The following UNC13C variants were observed in gnomAD, a reference collection of about 807,000 sequenced individuals.
UNC13C encodes the protein unc-13 homolog C.
Under a neutral mutation model 245.4 loss-of-function variants are expected in UNC13C, and 174 were observed. The ratio of observed to expected loss-of-function variants is 0.71; its 90% CI spans 0.63 to 0.80. The LOEUF (loss-of-function observed/expected upper bound fraction) is 0.80. UNC13C is among the 30% of genes least tolerant of loss of function. UNC13C has a pLI of 0.00. For missense variants in UNC13C, 2,829 were observed against 2,602.9 expected (o/e 1.09, Z -1.89); for synonymous variants, 992 against 895.1 (o/e 1.11, Z -1.93).
the UNC13C span, among the ~76,000 whole-genome samples, chr15:53,945,713 C>T: frequency 6.6e-6 from 1 of 151,772 alleles, no homozygotes; most frequent in Admixed American, 6.6e-5. Flanking sequence ...CTTAGAATTG[C>T]CTTTGTTATT....
intron 10 of UNC13C, among the ~76,000 whole-genome samples, chr15:54,267,130 C>T (rs568906367): frequency 1.6e-4 from 24 of 151,986 alleles, no homozygotes; most frequent in Non-Finnish European, 2.9e-4. Context: ...ATGACTCATG[C>T]TAAAACTGAC....
intron 2 of UNC13C, among the ~76,000 whole-genome samples, chr15:54,104,116 G>A (rs900657455): frequency 1.4e-4 from 21 of 152,188 alleles, no homozygotes; most frequent in African/African-American, 3.1e-4. Flanking sequence ...TCGCCTCAGC[G>A]AGCCCATGTT....
rs188023369 is a variant in UNC13C at position 54,050,795 on chromosome 15, A to G, written c.2983+34909A>G. 1,414 of 593,788 alleles carry G rather than the reference A, an allele frequency of 2.4e-3. 19 individuals are homozygous for G. The Admixed American group carries it at 0.024, about 10-fold the overall frequency. The allele number at this position is 593,788 out of a possible 1,614,324, so 36.8% of individuals were successfully genotyped here. On this transcript the variant is annotated intron_variant, in intron 2 of 32. Coordinates refer to ENST00000260323, the MANE Select transcript of UNC13C (RefSeq NM_001080534.3). ...CTGGTGATCATCACTATATGAATAC[A>G]GCCCTTCAGCAGTAGTCCAGCCTAC... is the stretch of plus-strand genomic sequence containing the variant.
intron 2 of UNC13C, among the ~76,000 whole-genome samples, chr15:54,104,897 G>C (rs956854347): frequency 1.3e-5 from 2 of 152,234 alleles, no homozygotes; most frequent in Admixed American, 6.5e-5. Context: ...TTTGGTAACT[G>C]GAGAGTTACA....
At chr15:54,249,767 G>C (rs2036093634) in intron 7 of UNC13C, among the ~76,000 whole-genome samples, 1 of 152,186 alleles carries the variant, frequency 6.6e-6, no homozygotes, top group Non-Finnish European at 1.5e-5. Flanking sequence ...CCCGGTGATA[G>C]GTACTGAAAG....
intron 10 of UNC13C, 143 bp from the exon 11 acceptor site, chr15:54,293,751 TC>T: frequency 1.8e-6 from 1 of 543,296 alleles, no homozygotes; most frequent in Non-Finnish European, 2.9e-6. Context: ...GCCTGCAACA[TC>T]CCATGGATAG....
At position 54,445,481 on chromosome 15, in the gene UNC13C, A is replaced by G. The variant is rs1011900259; in HGVS notation, c.4933+30414A>G. Among the ~76,000 whole-genome samples, 26 of 152,070 alleles carry G rather than the reference A, an allele frequency of 1.7e-4. 1 individual carries two copies. Among genetic ancestry groups the G allele is most frequent in the Admixed American group, 1.0e-3 (16 of 15,268 alleles). On this transcript the variant is annotated intron_variant, in intron 19 of 32. Transcript: ENST00000260323. ...AGCACCTGTTGTTTCCTGACTTTTT[A>G]ATGATCTCCGTTCTCACTGGTGTGA...
intron 19 of UNC13C, among the ~76,000 whole-genome samples, chr15:54,458,978 T>G (rs1056859950): frequency 2.0e-5 from 3 of 152,120 alleles, no homozygotes; most frequent in Non-Finnish European, 4.4e-5. Flanking sequence ...ATTGTGTTAT[T>G]GATTTATAGG....
intron 4 of UNC13C, among the ~76,000 whole-genome samples, chr15:54,154,889 TAAG>T (rs1475971288): frequency 6.6e-6 from 1 of 152,186 alleles, no homozygotes; most frequent in African/African-American, 2.4e-5. Flanking sequence ...CTGACCAATA[TAAG>T]AAGATATTTC....
the UNC13C span, among the ~76,000 whole-genome samples, chr15:53,874,647 A>G: frequency 6.6e-6 from 1 of 152,156 alleles, no homozygotes; most frequent in South Asian, 2.1e-4. Context: ...CTGTATATCC[A>G]AAGTCTATTA....
chr15:54,508,986 G>T (rs530221764), intron 23 of UNC13C, among the ~76,000 whole-genome samples: 3 of 152,274 alleles, frequency 2.0e-5, no homozygotes, highest in African/African-American at 7.2e-5. Context: ...GATCACCTGA[G>T]GTCAGGAGTT....
intron 1 of UNC13C, among the ~76,000 whole-genome samples, chr15:54,011,789 T>C (rs1387861449): frequency 6.6e-6 from 1 of 152,206 alleles, no homozygotes; most frequent in Non-Finnish European, 1.5e-5. Context: ...GCTTGGCTCC[T>C]GGCCAGAACA....
At chr15:54,128,257 G>A (rs971139581) in intron 2 of UNC13C, among the ~76,000 whole-genome samples, 3 of 152,074 alleles carry the variant, frequency 2.0e-5, no homozygotes, top group African/African-American at 4.8e-5. Flanking sequence ...TGAATAAATC[G>A]GAGACAACAG....
chr15:54,192,102 G>A (rs1445927500), intron 4 of UNC13C, among the ~76,000 whole-genome samples: 1 of 152,066 alleles, frequency 6.6e-6, no homozygotes, highest in Non-Finnish European at 1.5e-5. Flanking sequence ...TTTTATTCAT[G>A]GAGTCTTTGC....
At chr15:54,422,065 C>T (rs921297770) in intron 19 of UNC13C, among the ~76,000 whole-genome samples, 2 of 152,010 alleles carry the variant, frequency 1.3e-5, no homozygotes, top group Admixed American at 6.6e-5. Flanking sequence ...CCTAGAAGTA[C>T]AACCTTCTCA....
chr15:54,195,067 A>T lies in UNC13C; in HGVS notation c.3072-39963A>T, dbSNP rs76254693. Among the ~76,000 whole-genome samples, 1,571 of 152,086 alleles carry T rather than the reference A, an allele frequency of 0.01. 63 individuals carry two copies. In the East Asian group the frequency reaches 0.11, roughly 10 times the overall value. The stretch of plus-strand genomic sequence containing the variant: ...TTCAGGATCGGAAGTTTTGTGTGGA[A>T]GTGTCTGCAGTTTTTTTGGTTCTTC... On this transcript the variant is annotated intron_variant, in intron 4 of 32. Coordinates refer to ENST00000260323, the MANE Select transcript of UNC13C (RefSeq NM_001080534.3).
chr15:54,163,107 C>A (rs12592962), intron 4 of UNC13C, among the ~76,000 whole-genome samples: 2,898 of 152,206 alleles, frequency 0.019, 70 homozygotes, highest in East Asian at 0.091. Flanking sequence ...AGGCACTTTG[C>A]AGATATGATT....
intron 30 of UNC13C, among the ~76,000 whole-genome samples, chr15:54,588,716 T>C (rs1229837337): frequency 6.6e-6 from 1 of 152,178 alleles, no homozygotes; most frequent in African/African-American, 2.4e-5. Flanking sequence ...AGCTCCCATA[T>C]ATCATTGAGA....
chr15:54,357,205 C>T (rs1436036362), intron 17 of UNC13C, among the ~76,000 whole-genome samples: 1 of 151,856 alleles, frequency 6.6e-6, no homozygotes, highest in Non-Finnish European at 1.5e-5. Context: ...GTGTATGACT[C>T]ACCTGGAATT....
Sources: gnomAD v4.1 joint callset for allele counts (sites outside exome capture counted in the v4.1 genomes callset) on GRCh38, gnomAD v4.1.1 for gene constraint, MANE v1.5 for transcripts, NCBI Gene and HGNC (gene_info 2026-07-23, HGNC 2026-07-21) for gene names.